Variants in CA10 observed in about 807,000 individuals in gnomAD.
CA10 encodes carbonic anhydrase 10 (inactive), also known as carbonic anhydrase-related protein 10.
Under a neutral mutation model 44.2 loss-of-function variants are expected in CA10, and 14 were observed. The observed-to-expected ratio is 0.32, with a 90% CI of 0.21 to 0.50. CA10 has a LOEUF of 0.50. Among genes scored for constraint, CA10 ranks in the 20% least tolerant of loss-of-function variants. The pLI is 0.99. For missense variants in CA10, 350 were observed against 409.7 expected (o/e 0.85, Z 1.26); for synonymous variants, 159 against 141.6 (o/e 1.12, Z -0.87).
intron 4 of CA10, among the ~76,000 whole-genome samples, chr17:51,692,526 T>C (rs1263958): frequency 0.47 from 71,547 of 151,704 alleles, 17,628 homozygotes; most frequent in African/African-American, 0.61. Flanking sequence ...ACTTGGATAA[T>C]CATTTTCTTT....
In CA10 at chr17:51,839,457, C is replaced by T. The variant is rs548040272; in HGVS notation, c.279+91533G>A. Among the ~76,000 whole-genome samples the T allele has an allele frequency of 2.4e-5, 3 of 122,668 alleles. No individual in the cohort carries two copies. The South Asian group carries it at 7.9e-4, about 32-fold the overall frequency. 80.5% of individuals were successfully genotyped at this position (122,668 alleles called of 152,430 possible). Reference sequence around the variant, plus strand: ...GCAGTGAGCCCAGATCGCACCACTGCACTCCAGCCTGGGTGACAGAGCAAC... The same window carrying T: ...GCAGTGAGCCCAGATCGCACCACTGTACTCCAGCCTGGGTGACAGAGCAAC... On this transcript the variant is annotated intron_variant, in intron 3 of 8. Coordinates refer to ENST00000451037, the MANE Select transcript of CA10 (RefSeq NM_020178.5).
intron 1 of CA10, among the ~76,000 whole-genome samples, chr17:52,108,169 T>G (rs894647385): frequency 5.1e-4 from 74 of 143,896 alleles, no homozygotes; most frequent in Non-Finnish European, 1.0e-3. Context: ...TATATATTTT[T>G]AATATATTTT....
intron 2 of CA10, among the ~76,000 whole-genome samples, chr17:52,039,314 A>C (rs1986704506): frequency 6.6e-6 from 1 of 152,186 alleles, no homozygotes; most frequent in Non-Finnish European, 1.5e-5. Context: ...TTAAAAAAAT[A>C]CTTCCATTCC....
chr17:51,999,154 C>G (rs1250661297), intron 2 of CA10, among the ~76,000 whole-genome samples: 1 of 151,908 alleles, frequency 6.6e-6, no homozygotes, highest in African/African-American at 2.4e-5. Context: ...TTTAGAATGC[C>G]AAGCAAGCGT....
At chr17:51,851,013 C>G (rs1032639637) in intron 3 of CA10, among the ~76,000 whole-genome samples, 1 of 152,134 alleles carries the variant, frequency 6.6e-6, no homozygotes, top group Non-Finnish European at 1.5e-5. Context: ...TTCTGCAGAC[C>G]GCGCTGCCAT....
At chr17:51,642,777 G>T (rs1465917571) in intron 6 of CA10, among the ~76,000 whole-genome samples, 2 of 152,000 alleles carry the variant, frequency 1.3e-5, no homozygotes, top group Non-Finnish European at 2.9e-5. Context: ...CGAGTAGCTG[G>T]GATTATAGGT....
At chr17:52,055,641 TA>T (rs1383445854) in intron 2 of CA10, among the ~76,000 whole-genome samples, 2 of 152,082 alleles carry the variant, frequency 1.3e-5, no homozygotes, top group Non-Finnish European at 2.9e-5. Flanking sequence ...TGATATATTA[TA>T]AAAAGTCCTA....
chr17:51,657,819 C>A (rs1913849176), intron 4 of CA10, among the ~76,000 whole-genome samples: 1 of 152,178 alleles, frequency 6.6e-6, no homozygotes, highest in Non-Finnish European at 1.5e-5. Flanking sequence ...TTGACTAAGA[C>A]TGCAGGGACA....
chr17:52,081,066 T>C (rs1469121094), intron 1 of CA10, among the ~76,000 whole-genome samples: 1 of 152,114 alleles, frequency 6.6e-6, no homozygotes, highest in Non-Finnish European at 1.5e-5. Context: ...AAACCCACAA[T>C]CACTTTTGTG....
intron 3 of CA10, among the ~76,000 whole-genome samples, chr17:51,761,073 G>T (rs1905204988): frequency 6.6e-6 from 1 of 152,116 alleles, no homozygotes; most frequent in South Asian, 2.1e-4. Flanking sequence ...TTCCCAAGCT[G>T]CCCTCCCTTA....
chr17:51,868,003 A>G (rs905190387), intron 3 of CA10, among the ~76,000 whole-genome samples: 1 of 152,092 alleles, frequency 6.6e-6, no homozygotes, highest in African/African-American at 2.4e-5. Context: ...AAACATAAAT[A>G]AGCCTAGGTT....
At chr17:51,639,907 A>T (rs899178244) in intron 6 of CA10, among the ~76,000 whole-genome samples, 2 of 152,176 alleles carry the variant, frequency 1.3e-5, no homozygotes, top group Non-Finnish European at 2.9e-5. Context: ...TTGTTTGAGG[A>T]ATAAACAGGA....
At chr17:52,150,578 A>G (rs1989681997) in intron 1 of CA10, among the ~76,000 whole-genome samples, 2 of 152,210 alleles carry the variant, frequency 1.3e-5, no homozygotes, top group Admixed American at 1.3e-4. Context: ...TAGAGTGGGT[A>G]AAATGGATAT....
chr17:51,710,090 C>T (rs541616930), intron 4 of CA10, among the ~76,000 whole-genome samples: 80 of 152,266 alleles, frequency 5.3e-4, no homozygotes, highest in African/African-American at 1.9e-3. Context: ...ACGGAGTGTA[C>T]TTTCCAGGGA....
At chr17:51,659,940 G>A (rs1452116941) in intron 4 of CA10, among the ~76,000 whole-genome samples, 2 of 152,198 alleles carry the variant, frequency 1.3e-5, no homozygotes, top group Non-Finnish European at 2.9e-5. Context: ...CCCTGGTGAT[G>A]GGATTTGGCT....
intron 4 of CA10, among the ~76,000 whole-genome samples, chr17:51,732,925 G>A (rs948838697): frequency 1.3e-5 from 2 of 152,202 alleles, no homozygotes; most frequent in African/African-American, 2.4e-5. Flanking sequence ...TGGAGTAGGA[G>A]TGAGTCCCTG....
intron 6 of CA10, among the ~76,000 whole-genome samples, chr17:51,638,830 G>A (rs1912947312): frequency 6.6e-6 from 1 of 152,196 alleles, no homozygotes. Flanking sequence ...ACAGCAGGAG[G>A]TGATCAGTTT....
intron 4 of CA10, among the ~76,000 whole-genome samples, chr17:51,675,635 G>A (rs1232306891): frequency 6.6e-6 from 1 of 151,360 alleles, no homozygotes; most frequent in Non-Finnish European, 1.5e-5. Flanking sequence ...AGAATTGCTT[G>A]AACCCTGGGG....
intron 3 of CA10, among the ~76,000 whole-genome samples, chr17:51,798,700 A>G (rs1354730277): frequency 1.3e-5 from 2 of 152,238 alleles, no homozygotes; most frequent in Non-Finnish European, 2.9e-5. Context: ...AGTATGGCCA[A>G]CCCAAAAGGC....
Sources: gnomAD v4.1 joint callset for allele counts (sites outside exome capture counted in the v4.1 genomes callset) on GRCh38, gnomAD v4.1.1 for gene constraint, MANE v1.5 for transcripts, NCBI Gene and HGNC (gene_info 2026-07-23, HGNC 2026-07-21) for gene names.